The following KCTD3 variants were observed in gnomAD, a reference collection of about 807,000 sequenced individuals.
KCTD3 encodes the protein potassium channel tetramerization domain containing 3.
Under a neutral mutation model 85.8 loss-of-function variants are expected in KCTD3, and 41 were observed. That is an observed-to-expected ratio of 0.48 (90% CI 0.37 to 0.62). The LOEUF (loss-of-function observed/expected upper bound fraction) is 0.62, where lower values mean the gene tolerates loss of function less well. Ranked by LOEUF, KCTD3 falls within the 20% of genes least tolerant of loss-of-function variation. The pLI is 0.00. For synonymous variants in KCTD3, 338 were observed against 345.4 expected, an observed-to-expected ratio of 0.98 and a Z score of 0.24; for missense variants, 724 against 989.9, an observed-to-expected ratio of 0.73 and a Z score of 3.60.
chr1:215,619,870 C>T (rs1655596961), intron 17 of KCTD3, among the ~76,000 whole-genome samples, 187 bp from the exon 18 acceptor site: 1 of 152,022 alleles, frequency 6.6e-6, no homozygotes, highest in Admixed American at 6.6e-5. Flanking sequence ...GTATTATTTG[C>T]ATTGGTAATT....
At chr1:215,579,175 G>C (rs369948550) in intron 7 of KCTD3, 38 bp downstream of exon 7, 4 of 1,571,888 alleles carry the variant, frequency 2.5e-6, no homozygotes, top group Non-Finnish European at 1.7e-6. Flanking sequence ...AGAAAAATAC[G>C]TATGTTTTTA....
Position 215,586,560 on chromosome 1 carries a change from G to A in KCTD3, c.692G>A (p.Arg231Gln), listed in dbSNP as rs1478480013. Residue 231 changes from arginine to glutamine, a missense_variant, in exon 9 of 18, where the codon CGA (arginine) becomes CAA (glutamine). Physicochemically the swap from Arg to Gln is conservative, Grantham distance 43. This residue lies in a region of KCTD3 where 146 missense variants were observed against 320.3 expected (regional missense o/e 0.46). Coordinates refer to ENST00000259154, the MANE Select transcript of KCTD3 (RefSeq NM_016121.5). ...CCATATTTGGATTGGACTATCGAAC[G>A]AGTAGCTTTAAATGCAAAGGTGGTT... is the stretch of plus-strand genomic sequence containing the variant. Reference protein sequence around the residue: ...TSPYLDWTIERVALNAKVVGG... With the variant: ...TSPYLDWTIEQVALNAKVVGG... The A allele has an allele frequency of 5.0e-6, 8 of 1,613,950 alleles. No individual in the cohort carries two copies. Among genetic ancestry groups the A allele is most frequent in the South Asian group, 2.2e-5 (2 of 91,070 alleles).
chr1:215,608,880 G>A (rs558159339), intron 14 of KCTD3, among the ~76,000 whole-genome samples: 1 of 152,024 alleles, frequency 6.6e-6, no homozygotes, highest in South Asian at 2.1e-4. Flanking sequence ...TTTAACAGTT[G>A]TTATATAATC....
At position 215,620,572 on chromosome 1, in the gene KCTD3, C is replaced by G. The variant is rs754034054; in HGVS notation, c.2402C>G (p.Pro801Arg). Residue 801 changes from proline to arginine, a missense_variant, in exon 18 of 18, where the codon CCT becomes CGT. Pro to Arg is a moderately radical substitution (Grantham distance 103). Coordinates refer to ENST00000259154, the MANE Select transcript of KCTD3 (RefSeq NM_016121.5). ...SPSPTKTTPSPRHKKSDSSGQ... is the reference protein window; with the variant it reads ...SPSPTKTTPSRRHKKSDSSGQ... ...TCTCCTACAAAGACTACTCCATCTC[C>G]TCGGCATAAAAAAAGTGATTCTTCA... is the stretch of plus-strand genomic sequence containing the variant. 6.2e-7 allele frequency: 1 copy of G among 1,607,528 alleles called. No homozygotes were observed. The highest frequency in any genetic ancestry group is 1.1e-5 in the South Asian group (1 of 89,374).
intron 13 of KCTD3, among the ~76,000 whole-genome samples, chr1:215,605,054 G>T (rs1654964669): frequency 6.6e-6 from 1 of 152,022 alleles, no homozygotes; most frequent in South Asian, 2.1e-4. Context: ...TTTCTAAAAG[G>T]CTTTGTGAAA....
At chr1:215,586,417 G>A in intron 8 of KCTD3, 78 bp from the exon 9 acceptor site, 1 of 1,122,058 alleles carries the variant, frequency 8.9e-7, no homozygotes, top group Non-Finnish European at 1.3e-6. Flanking sequence ...GTTGTTTTTT[G>A]TTTTTGGTGC....
At position 215,614,033 on chromosome 1, in the gene KCTD3, T is replaced by TTTG. The variant is rs1295698744; in HGVS notation, c.1562+2114_1562+2115insGTT. 7.3e-3 allele frequency among the ~76,000 whole-genome samples: 1,005 copies of TTTG among 138,564 alleles called. 24 individuals carry two copies. Among genetic ancestry groups the TTTG allele is most frequent in the African/African-American group, 0.025 (913 of 36,154 alleles). The allele number at this position is 138,564 out of a possible 152,430, so 90.9% of individuals were successfully genotyped here. A position where few individuals can be genotyped will look rare whatever the true frequency, so the allele number is the denominator to read the frequency against. ...CTTTAGAATAGTTTTTTTTTTTTTTTTTTTTTTTTTTTTTTAAGAGACAGA... is the reference window on the plus strand; with the variant it reads ...CTTTAGAATAGTTTTTTTTTTTTTTTTTGTTTTTTTTTTTTTTTAAGAGACAGA... On this transcript the variant is annotated intron_variant, in intron 15 of 17. Transcript: ENST00000259154.
rs141966619 is a variant in KCTD3, at chr1:215,618,811, G to T, written c.1563-75G>T. On this transcript the variant is annotated intron_variant, in intron 15 of 17. Transcript: ENST00000259154. ...TAACATGTTTGCTTTCTTTCTTTCT[G>T]TCTTTTTAGTTTCATAGCTTCTTTT... The T allele has an allele frequency of 3.1e-4, 338 of 1,091,576 alleles. 2 individuals are homozygous for T. The East Asian group carries it at 7.7e-3, about 25-fold the overall frequency. 67.6% of individuals were successfully genotyped at this position (1,091,576 alleles called of 1,614,324 possible).
chr1:215,574,092 T>G lies in KCTD3; in HGVS notation c.157T>G (p.Ser53Ala). The G allele has an allele frequency of 6.3e-7, 1 of 1,590,028 alleles. No individual in the cohort carries two copies. The highest frequency in any genetic ancestry group is 8.6e-7 in the Non-Finnish European group (1 of 1,163,746). ...TTCCAGTTTGCTGAGTGGGAGAATT[T>G]CAACACTTCGAGATGAAACTGGTGC... Reference protein sequence around the residue: ...FFSSLLSGRISTLRDETGAIF... With the variant: ...FFSSLLSGRIATLRDETGAIF... The change falls in exon 3 of 18, where the codon TCA becomes GCA. Residue 53 changes from serine to alanine, a missense_variant. Ser to Ala is a moderately conservative substitution (Grantham distance 99). Transcript: ENST00000259154.
intron 1 of KCTD3, among the ~76,000 whole-genome samples, chr1:215,568,665 C>A (rs1052834622): frequency 1.2e-4 from 18 of 152,148 alleles, no homozygotes; most frequent in African/African-American, 4.1e-4. Context: ...CAAGGAAATG[C>A]TCTGGAATAC....
chr1:215,579,804 A>C (rs1296026977), intron 7 of KCTD3, 105 bp from the exon 8 acceptor site: 2 of 768,686 alleles, frequency 2.6e-6, no homozygotes, highest in African/African-American at 3.5e-5. Context: ...GGCTCTTAAC[A>C]AAACTATTAA....
At chr1:215,591,598 G>T (rs1240654940) in intron 9 of KCTD3, among the ~76,000 whole-genome samples, 1 of 151,916 alleles carries the variant, frequency 6.6e-6, no homozygotes, top group African/African-American at 2.4e-5. Flanking sequence ...CTCGTAATCC[G>T]CCCGCCTCAG....
chr1:215,592,918 A>G (rs571763683), intron 9 of KCTD3, among the ~76,000 whole-genome samples: 4 of 152,240 alleles, frequency 2.6e-5, no homozygotes, highest in Admixed American at 1.3e-4. Flanking sequence ...GGTGCTCAGG[A>G]TTGTTTAGCC....
intron 13 of KCTD3, among the ~76,000 whole-genome samples, chr1:215,605,379 TA>T (rs1235956183): frequency 6.6e-6 from 1 of 152,182 alleles, no homozygotes; most frequent in Non-Finnish European, 1.5e-5. Context: ...TAGGTTTTCA[TA>T]AAACATTACT....
intron 1 of KCTD3, among the ~76,000 whole-genome samples, chr1:215,572,820 G>T (rs1225298677): frequency 6.6e-6 from 1 of 152,070 alleles, no homozygotes; most frequent in Non-Finnish European, 1.5e-5. Context: ...AAGTATGAAA[G>T]GTAAAAATAA....
At chr1:215,607,976 A>G (rs371796924) in intron 13 of KCTD3, 41 bp from the exon 14 acceptor site, 34 of 1,548,258 alleles carry the variant, frequency 2.2e-5, no homozygotes, top group Non-Finnish European at 3.0e-5. Flanking sequence ...TGAGTTTTTA[A>G]AAGTAATTTT....
intron 15 of KCTD3, among the ~76,000 whole-genome samples, chr1:215,615,778 C>T (rs968658541): frequency 1.3e-5 from 2 of 152,078 alleles, no homozygotes; most frequent in Admixed American, 6.5e-5. Context: ...TTATATGACA[C>T]GAGAGCCTTC....
Position 215,567,660 on chromosome 1 carries a change from G to A in KCTD3, c.-26G>A, listed in dbSNP as rs762980329. 6.0e-5 allele frequency: 74 copies of A among 1,226,110 alleles called. No individual in the cohort carries two copies. The African/African-American group carries it at 9.8e-4, about 16-fold the overall frequency. The allele number at this position is 1,226,110 out of a possible 1,614,324, so 76.0% of individuals were successfully genotyped here. On this transcript the variant is annotated 5_prime_UTR_variant, in exon 1 of 18. Coordinates refer to ENST00000259154, the MANE Select transcript of KCTD3 (RefSeq NM_016121.5). ...GCGGTCCCGGCTGGGGAAGGAGGGCGGCGAGCGCGTCCGGAGCCGCCGGAG... is the reference window on the plus strand; with the variant it reads ...GCGGTCCCGGCTGGGGAAGGAGGGCAGCGAGCGCGTCCGGAGCCGCCGGAG...
chr1:215,620,274 G>A lies in KCTD3; in HGVS notation c.2104G>A (p.Gly702Arg). 1 of 1,613,900 alleles carries A rather than the reference G, an allele frequency of 6.2e-7. No homozygotes were observed. Among genetic ancestry groups the A allele is most frequent in the Non-Finnish European group, 8.5e-7 (1 of 1,179,816 alleles). ...ACAAGCTGAAGTGAAAGGGGCAACA[G>A]GGGAATGTAATATATCTGAGAGAAA... ...PIQAEVKGAT[G>R]ECNISERKSP... Residue 702 changes from glycine (G) to arginine (R), a missense_variant, in exon 18 of 18, where the codon GGG (glycine) becomes AGG (arginine). Transcript: ENST00000259154.
Sources: allele counts gnomAD v4.1 joint callset (sites outside exome capture counted in the v4.1 genomes callset), GRCh38; gene constraint gnomAD v4.1.1; regional missense constraint gnomAD v4.1.1; transcripts MANE v1.5; gene names NCBI Gene and HGNC (gene_info 2026-07-23, HGNC 2026-07-21).